Variants in PPP1R1C observed in about 807,000 individuals in gnomAD.
PPP1R1C encodes the protein protein phosphatase 1 regulatory subunit 1C.
PPP1R1C carries 15 observed loss-of-function variants against 17.4 expected under a neutral mutation model. That is an observed-to-expected ratio of 0.86 (90% CI 0.58 to 1.33). The LOEUF (loss-of-function observed/expected upper bound fraction) is 1.33, where lower values mean the gene tolerates loss of function less well. Ranked by LOEUF, PPP1R1C falls within the 40% of genes most tolerant of loss-of-function variation. PPP1R1C has a pLI of 0.00. For missense variants in PPP1R1C, 143 were observed against 130.0 expected (o/e 1.10, Z -0.48); for synonymous variants, 35 against 43.1 (o/e 0.81, Z 0.73).
chr2:181,984,315 C>T (rs1451557486), upstream of PPP1R1C, among the ~76,000 whole-genome samples: 2 of 152,178 alleles, frequency 1.3e-5, no homozygotes, highest in Admixed American at 6.5e-5. Context: ...TTGCCAAGTG[C>T]ATGTTCTTAA....
intron 2 of PPP1R1C, among the ~76,000 whole-genome samples, chr2:182,057,488 G>A (rs1463382391): frequency 6.6e-6 from 1 of 152,058 alleles, no homozygotes; most frequent in East Asian, 1.9e-4. Context: ...AGCAAGCTGG[G>A]GGATATGTAT....
intron 1 of PPP1R1C, among the ~76,000 whole-genome samples, chr2:181,966,806 T>C (rs1684912742): frequency 6.6e-6 from 1 of 152,228 alleles, no homozygotes; most frequent in South Asian, 2.1e-4. Flanking sequence ...TTCAGGGTAA[T>C]AATACTTGCC....
chr2:182,080,932 T>C (rs1688456704), intron 4 of PPP1R1C, among the ~76,000 whole-genome samples: 1 of 152,244 alleles, frequency 6.6e-6, no homozygotes, highest in South Asian at 2.1e-4. Flanking sequence ...AAAAACTGTA[T>C]GTAAAATGCT....
In PPP1R1C at chr2:181,977,133, A is replaced by T. The variant is rs1057161769; in HGVS notation, n.157+1869A>T. Among the ~76,000 whole-genome samples, 40 of 27,860 alleles carry T rather than the reference A, an allele frequency of 1.4e-3. 1 individual carries two copies. In the East Asian group the frequency reaches 0.024, roughly 17 times the overall value. The allele number at this position is 27,860 out of a possible 152,430, so 18.3% of individuals were successfully genotyped here. The stretch of plus-strand genomic sequence containing the variant: ...TGGGCAACAGAGTGAGAATCTATCT[A>T]AAAAAAAAAAAAAAAAAAAAAAAAA... On this transcript the variant is annotated intron_variant and non_coding_transcript_variant, in intron 2 of 5. Transcript: ENST00000464264.
intron 2 of PPP1R1C, among the ~76,000 whole-genome samples, chr2:182,028,596 T>G (rs974300151): frequency 6.6e-6 from 1 of 152,178 alleles, no homozygotes; most frequent in Non-Finnish European, 1.5e-5. Context: ...ATAATCTCTG[T>G]TCTTTTACAT....
At chr2:182,071,099 T>A (rs971317581) in intron 4 of PPP1R1C, among the ~76,000 whole-genome samples, 21 of 152,178 alleles carry the variant, frequency 1.4e-4, no homozygotes, top group African/African-American at 4.8e-4. Context: ...GATCCATGCC[T>A]TATCAATATG....
chr2:182,123,163 T>G (rs937214517), intron 5 of PPP1R1C, among the ~76,000 whole-genome samples: 5 of 152,228 alleles, frequency 3.3e-5, no homozygotes, highest in African/African-American at 1.2e-4. Context: ...TTCATCCATG[T>G]GCCTGCAAAG....
intron 4 of PPP1R1C, among the ~76,000 whole-genome samples, chr2:182,104,019 GTGTT>G (rs1689177392): frequency 1.3e-5 from 2 of 152,206 alleles, no homozygotes; most frequent in South Asian, 4.1e-4. Context: ...TTAATTAAGT[GTGTT>G]TGGTGATCAG....
intron 2 of PPP1R1C, among the ~76,000 whole-genome samples, chr2:182,059,421 A>G (rs143698548): frequency 6.6e-6 from 1 of 151,808 alleles, no homozygotes; most frequent in East Asian, 1.9e-4. Context: ...GTATATTCTT[A>G]TGCTTCATGT....
intron 2 of PPP1R1C, among the ~76,000 whole-genome samples, chr2:182,031,789 A>G (rs1686848559): frequency 6.6e-6 from 1 of 152,228 alleles, no homozygotes; most frequent in Non-Finnish European, 1.5e-5. Flanking sequence ...TATGGTTTAT[A>G]TATTCTACTA....
At chr2:182,126,471 CATCAT>C (rs1209095722) in intron 5 of PPP1R1C, among the ~76,000 whole-genome samples, 2 of 151,898 alleles carry the variant, frequency 1.3e-5, no homozygotes, top group Non-Finnish European at 2.9e-5. Flanking sequence ...GATTTTATAA[CATCAT>C]AACATTTTGA....
At chr2:182,025,039 G>A (rs1429162355) in intron 2 of PPP1R1C, among the ~76,000 whole-genome samples, 1 of 147,936 alleles carries the variant, frequency 6.8e-6, no homozygotes, top group Non-Finnish European at 1.5e-5. Context: ...CCCAATCTCT[G>A]CACATAACAA....
intron 2 of PPP1R1C, among the ~76,000 whole-genome samples, chr2:182,052,060 A>G (rs931878644): frequency 1.3e-5 from 2 of 152,170 alleles, no homozygotes; most frequent in African/African-American, 4.8e-5. Flanking sequence ...TGACAAAATT[A>G]TTAAGCATCA....
Position 181,957,623 on chromosome 2 carries a change from CT to C in PPP1R1C, n.111+2990del, listed in dbSNP as rs145611729. Among the ~76,000 whole-genome samples, 1 of 152,244 alleles carries C rather than the reference CT, an allele frequency of 6.6e-6. No individual in the cohort carries two copies. Among genetic ancestry groups the C allele is most frequent in the East Asian group, 1.9e-4 (1 of 5,188 alleles). On this transcript the variant is annotated intron_variant and non_coding_transcript_variant, in intron 1 of 5. Coordinates refer to the PPP1R1C transcript ENST00000464264. This position sits in a 1 kb window ranked among gnomAD's most constrained non-coding sequence, Gnocchi z 4.2. ...GGGTGTCTTCTTCTCAAAACTGTTTCTGTTTTGAGTATTCTTTATTTTCTTC... is the reference window on the plus strand; with the variant it reads ...GGGTGTCTTCTTCTCAAAACTGTTTCGTTTTGAGTATTCTTTATTTTCTTC...
chr2:182,100,187 C>G (rs1324292072), intron 4 of PPP1R1C, among the ~76,000 whole-genome samples: 1 of 152,130 alleles, frequency 6.6e-6, no homozygotes, highest in Non-Finnish European at 1.5e-5. Flanking sequence ...TTTCTGTCTT[C>G]CATCTCAAAA....
At chr2:182,032,851 A>G (rs1431238639) in intron 2 of PPP1R1C, among the ~76,000 whole-genome samples, 2 of 152,200 alleles carry the variant, frequency 1.3e-5, no homozygotes, top group African/African-American at 4.8e-5. Context: ...TCCTTAAGTT[A>G]TCAATATATT....
intron 4 of PPP1R1C, among the ~76,000 whole-genome samples, chr2:182,091,711 C>A (rs1460173105): frequency 6.6e-6 from 1 of 152,034 alleles, no homozygotes; most frequent in Non-Finnish European, 1.5e-5. Context: ...TTCCAATGAC[C>A]CCATGCCCTG....
intron 1 of PPP1R1C, among the ~76,000 whole-genome samples, chr2:181,971,501 C>T (rs117945608): frequency 6.6e-6 from 1 of 152,258 alleles, no homozygotes; most frequent in East Asian, 1.9e-4. Flanking sequence ...GAAGGAGTCT[C>T]TTTTGGTGCT....
chr2:182,049,804 G>A (rs934196492), intron 2 of PPP1R1C, among the ~76,000 whole-genome samples: 13 of 152,028 alleles, frequency 8.6e-5, no homozygotes, highest in African/African-American at 1.7e-4. Context: ...TTAAATTTAC[G>A]TTCTGTTTTC....
Sources: allele counts gnomAD v4.1 joint callset (sites outside exome capture counted in the v4.1 genomes callset), GRCh38; gene constraint gnomAD v4.1.1; non-coding constraint Gnocchi (gnomAD v3.1); transcripts MANE v1.5; gene names NCBI Gene and HGNC (gene_info 2026-07-23, HGNC 2026-07-21).